Variants in PAQR5 observed in about 807,000 individuals in gnomAD.
The protein encoded by PAQR5 is progestin and adipoQ receptor family member 5.
PAQR5 carries 20 observed loss-of-function variants against 34.5 expected under a neutral mutation model. That is an observed-to-expected ratio of 0.58 (90% CI 0.41 to 0.84). The LOEUF (loss-of-function observed/expected upper bound fraction) is 0.84, where lower values mean the gene tolerates loss of function less well. PAQR5 is among the 40% of genes least tolerant of loss of function. The pLI is 0.00. For synonymous variants in PAQR5, 131 were observed against 155.6 expected (o/e 0.84, Z 1.18); for missense variants, 378 against 412.7 (o/e 0.92, Z 0.73).
chr15:69,380,064 G>T, intron 4 of PAQR5, 54 bp downstream of exon 4: 1 of 1,597,334 alleles, frequency 6.3e-7, no homozygotes, highest in Non-Finnish European at 8.6e-7. Flanking sequence ...CTGGAGACCA[G>T]GGTGTCTTAA....
Position 69,389,667 on chromosome 15 carries a change from C to T in PAQR5, c.399C>T (p.Ala133=). Residue 133 remains alanine (A), a synonymous_variant, in exon 6 of 9, where the codon GCC becomes GCT. Coordinates refer to ENST00000395407, the MANE Select transcript of PAQR5 (RefSeq NM_017705.4). The part of the protein sequence containing the change: ...VNLFSLGSAI[A]YSAYTFPDAL... ...TTTCTTCCCCAGGCTCAGCCATTGC[C>T]TACTCTGCATACACGTTCCCGGATG... 1.2e-6 allele frequency: 2 copies of T among 1,614,214 alleles called. No individual in the cohort carries two copies. Among genetic ancestry groups the T allele is most frequent in the Non-Finnish European group, 1.7e-6 (2 of 1,180,018 alleles).
At chr15:69,392,041 A>C in intron 6 of PAQR5, 1 of 290,382 alleles carries the variant, frequency 3.4e-6, no homozygotes, top group Admixed American at 4.6e-5. Context: ...CGGGCAGTGG[A>C]GCCAAGAAAA....
At chr15:69,307,466 A>G (rs1417313069) in intron 1 of PAQR5, among the ~76,000 whole-genome samples, 2 of 151,948 alleles carry the variant, frequency 1.3e-5, no homozygotes, top group African/African-American at 4.8e-5. Context: ...AGGGAAGGGG[A>G]GGGGAGAGGA....
rs1183361471 is a variant in PAQR5, at chr15:69,300,933, C to CTT, written c.-277+1878_-277+1879insTT. On this transcript the variant is annotated intron_variant, in intron 1 of 8. Coordinates refer to ENST00000395407, the MANE Select transcript of PAQR5 (RefSeq NM_017705.4). ...CCTTCCTTTCTCTCTCTCTCTCTCT[C>CTT]TCTCTCTTTCTTTCCTTCTTTCTTT... Among the ~76,000 whole-genome samples the CTT allele has an allele frequency of 4.8e-4, 4 of 8,368 alleles. 2 individuals carry two copies. The highest frequency in any genetic ancestry group is 1.4e-3 in the Non-Finnish European group (4 of 2,804). 5.5% of individuals were successfully genotyped at this position (8,368 alleles called of 152,430 possible).
chr15:69,310,881 A>G (rs28569351), intron 1 of PAQR5, among the ~76,000 whole-genome samples: 8,099 of 151,468 alleles, frequency 0.053, 686 homozygotes, highest in African/African-American at 0.19. Context: ...TACTAAAAAT[A>G]CAAAAAAATT....
intron 3 of PAQR5, chr15:69,379,429 T>C (rs2055816404): frequency 3.0e-6 from 3 of 985,410 alleles, no homozygotes; most frequent in Non-Finnish European, 3.6e-6. Context: ...TTGGTGAATA[T>C]ATCCTGGCAC....
intron 2 of PAQR5, among the ~76,000 whole-genome samples, chr15:69,348,387 G>A (rs1285852407): frequency 6.6e-6 from 1 of 152,190 alleles, no homozygotes; most frequent in Non-Finnish European, 1.5e-5. Context: ...GGTTGCACAG[G>A]AAACGGTGAA....
chr15:69,395,061 G>T (rs2056379076), intron 6 of PAQR5, among the ~76,000 whole-genome samples: 1 of 152,246 alleles, frequency 6.6e-6, no homozygotes, highest in Non-Finnish European at 1.5e-5. Flanking sequence ...TTCTTCGCGT[G>T]TAAGTGGCCA....
intron 1 of PAQR5, among the ~76,000 whole-genome samples, chr15:69,325,894 A>T (rs1259137549): frequency 1.3e-5 from 2 of 152,118 alleles, no homozygotes; most frequent in Non-Finnish European, 2.9e-5. Context: ...TCATCCCATG[A>T]ACCTGGCTTT....
intron 3 of PAQR5, among the ~76,000 whole-genome samples, chr15:69,362,712 T>G (rs985049892): frequency 7.2e-5 from 11 of 152,198 alleles, no homozygotes; most frequent in African/African-American, 2.7e-4. Flanking sequence ...GGTGAACAAT[T>G]AATAATGTTG....
intron 2 of PAQR5, among the ~76,000 whole-genome samples, chr15:69,356,419 T>TA (rs1229236930): frequency 6.6e-6 from 1 of 152,212 alleles, no homozygotes; most frequent in Non-Finnish European, 1.5e-5. Flanking sequence ...TATGTGAGCT[T>TA]AAAAAAATTA....
chr15:69,369,945 C>G (rs540808605), intron 3 of PAQR5, among the ~76,000 whole-genome samples: 3 of 152,276 alleles, frequency 2.0e-5, no homozygotes, highest in South Asian at 2.1e-4. Context: ...TGCAGCTTAC[C>G]TCACAGGGTT....
At chr15:69,364,435 A>AAACAAAT (rs984183161) in intron 3 of PAQR5, among the ~76,000 whole-genome samples, 8 of 133,066 alleles carry the variant, frequency 6.0e-5, no homozygotes, top group African/African-American at 2.5e-4. Flanking sequence ...AAACAAAACA[A>AAACAAAT]ATATATATAT....
chr15:69,298,960 C>G lies in PAQR5; in HGVS notation c.-373C>G, dbSNP rs1378828293. 6.6e-6 allele frequency: 1 copy of G among 151,548 alleles called. No individual in the cohort carries two copies. The highest frequency in any genetic ancestry group is 2.4e-5 in the African/African-American group (1 of 41,316). 9.4% of individuals were successfully genotyped at this position (151,548 alleles called of 1,614,324 possible). ...GGGCCAGGTGCAGGGCCCGCGAGTCCGGGGTCGCCGCAGCCCGGGAGGAGT... is the reference window on the plus strand; with the variant it reads ...GGGCCAGGTGCAGGGCCCGCGAGTCGGGGGTCGCCGCAGCCCGGGAGGAGT... On this transcript the variant is annotated 5_prime_UTR_variant, in exon 1 of 9. Transcript: ENST00000395407.
At chr15:69,348,901 T>G (rs1450750159) in intron 2 of PAQR5, among the ~76,000 whole-genome samples, 1 of 152,184 alleles carries the variant, frequency 6.6e-6, no homozygotes, top group Non-Finnish European at 1.5e-5. Context: ...CCACTCGAAC[T>G]TTGCACTATT....
intron 2 of PAQR5, among the ~76,000 whole-genome samples, chr15:69,350,588 A>C (rs1407969208): frequency 1.3e-5 from 2 of 152,178 alleles, no homozygotes; most frequent in Non-Finnish European, 2.9e-5. Flanking sequence ...GGCTGCAGTG[A>C]GCCGAGATTG....
intron 1 of PAQR5, among the ~76,000 whole-genome samples, chr15:69,305,566 C>G (rs1044130120): frequency 1.3e-5 from 2 of 152,038 alleles, no homozygotes; most frequent in Non-Finnish European, 2.9e-5. Context: ...GGCCCGCACA[C>G]TAAGGTCAGT....
At position 69,347,797 on chromosome 15, in the gene PAQR5, G is replaced by T. The variant is rs368662062; in HGVS notation, c.-116+10296G>T. ...GGCTGAAGGGCAGGTGAGTTCTCTG[G>T]GGCCTCTTTTATCAGGGCGTTAAGT... On this transcript the variant is annotated intron_variant, in intron 2 of 8. Coordinates refer to ENST00000395407, the MANE Select transcript of PAQR5 (RefSeq NM_017705.4). Among the ~76,000 whole-genome samples the T allele has an allele frequency of 2.6e-5, 4 of 152,168 alleles. No homozygotes were observed. The East Asian group carries it at 5.8e-4, about 22-fold the overall frequency.
At chr15:69,360,371 C>T (rs563770307) in intron 3 of PAQR5, among the ~76,000 whole-genome samples, 2 of 152,292 alleles carry the variant, frequency 1.3e-5, no homozygotes, top group Non-Finnish European at 2.9e-5. Flanking sequence ...TGTGTGTTAT[C>T]CAGAAGCAAA....
Sources: gnomAD v4.1 joint callset for allele counts (sites outside exome capture counted in the v4.1 genomes callset) on GRCh38, gnomAD v4.1.1 for gene constraint, MANE v1.5 for transcripts, NCBI Gene and HGNC (gene_info 2026-07-23, HGNC 2026-07-21) for gene names.